The following PTPN2 variants were observed in gnomAD, a reference collection of about 807,000 sequenced individuals.
PTPN2 encodes the protein protein tyrosine phosphatase non-receptor type 2, also known as tyrosine-protein phosphatase non-receptor type 2.
In PTPN2, 19 loss-of-function variants were observed where a neutral mutation model predicts 57.3. The ratio of observed to expected loss-of-function variants is 0.33; its 90% CI spans 0.23 to 0.49. The LOEUF (loss-of-function observed/expected upper bound fraction) is 0.49. PTPN2 is among the 20% of genes least tolerant of loss of function. PTPN2 has a pLI of 0.99. For missense variants in PTPN2, 358 were observed against 501.1 expected (o/e 0.71, Z 2.73); for synonymous variants, 153 against 164.9 (o/e 0.93, Z 0.55).
At chr18:12,870,590 G>A (rs1279560455) in intron 1 of PTPN2, among the ~76,000 whole-genome samples, 2 of 135,886 alleles carry the variant, frequency 1.5e-5, no homozygotes, top group Admixed American at 1.6e-4. Context: ...CTTACTGCAA[G>A]CTCCACCTCC....
chr18:12,800,640 T>C (rs1311014383), intron 8 of PTPN2, among the ~76,000 whole-genome samples: 1 of 152,178 alleles, frequency 6.6e-6, no homozygotes, highest in Non-Finnish European at 1.5e-5. Context: ...ATTTAATTTT[T>C]ATATTAGGAA....
intron 2 of PTPN2, among the ~76,000 whole-genome samples, chr18:12,845,236 T>G (rs2043173056): frequency 6.6e-6 from 1 of 152,198 alleles, no homozygotes; most frequent in African/African-American, 2.4e-5. Flanking sequence ...TAGGAACAAT[T>G]TGACACTATG....
At chr18:12,865,180 G>A (rs1030483748) in intron 1 of PTPN2, among the ~76,000 whole-genome samples, 5 of 152,130 alleles carry the variant, frequency 3.3e-5, no homozygotes, top group African/African-American at 9.7e-5. Context: ...GGCGCTGTGA[G>A]TCATGCCTGC....
chr18:12,813,445 A>C (rs1031784336), intron 7 of PTPN2, among the ~76,000 whole-genome samples: 2 of 152,210 alleles, frequency 1.3e-5, no homozygotes, highest in African/African-American at 4.8e-5. Flanking sequence ...ATTTGGAAAA[A>C]ATCTTTTTAA....
Position 12,884,164 on chromosome 18 carries a change from G to A in PTPN2, c.-23C>T. 2.6e-6 allele frequency: 4 copies of A among 1,565,504 alleles called. No homozygotes were observed. The highest frequency in any genetic ancestry group is 2.4e-5 in the East Asian group (1 of 41,142). On this transcript the variant is annotated 5_prime_UTR_variant, in exon 1 of 9. Transcript: ENST00000309660. ...CATGGCTGCGGGAGCGAGCTGGCGC[G>A]AGCAGAGCCTGCGCCGGCGGAGAGG...
intron 8 of PTPN2, among the ~76,000 whole-genome samples, chr18:12,797,919 G>C (rs1025193379): frequency 6.6e-6 from 1 of 152,064 alleles, no homozygotes; most frequent in African/African-American, 2.4e-5. Flanking sequence ...TAGAGACAGG[G>C]TTTGCCATGT....
At chr18:12,843,227 T>TA (rs1373066762) in intron 2 of PTPN2, among the ~76,000 whole-genome samples, 1 of 152,122 alleles carries the variant, frequency 6.6e-6, no homozygotes, top group Non-Finnish European at 1.5e-5. Flanking sequence ...AGTCCTATGA[T>TA]AAGGGGCACT....
intron 8 of PTPN2, among the ~76,000 whole-genome samples, chr18:12,797,518 C>T (rs2145231015): frequency 6.6e-6 from 1 of 152,158 alleles, no homozygotes; most frequent in South Asian, 2.1e-4. Flanking sequence ...GAGGTTTTTG[C>T]TTTCCAAAAG....
chr18:12,868,594 A>C (rs1568166206), intron 1 of PTPN2, among the ~76,000 whole-genome samples: 1 of 149,530 alleles, frequency 6.7e-6, no homozygotes, highest in Non-Finnish European at 1.5e-5. Flanking sequence ...GTCAATTTTT[A>C]CCTCTATTTA....
At chr18:12,841,444 A>C (rs959401288) in intron 2 of PTPN2, among the ~76,000 whole-genome samples, 26 of 152,248 alleles carry the variant, frequency 1.7e-4, no homozygotes, top group African/African-American at 6.0e-4. Flanking sequence ...ACCAAGAAGA[A>C]GGCAACTTCA....
chr18:12,819,206 G>A, intron 5 of PTPN2: 2 of 1,346,424 alleles, frequency 1.5e-6, no homozygotes, highest in Non-Finnish European at 2.0e-6. Context: ...TTTCTAAAAA[G>A]TACATACTTT....
intron 1 of PTPN2, among the ~76,000 whole-genome samples, chr18:12,874,591 T>G (rs1246383146): frequency 9.3e-4 from 59 of 63,348 alleles, no homozygotes; most frequent in East Asian, 1.7e-3. Context: ...AGGTGGGGGG[T>G]TCAGCCCCCC....
At chr18:12,838,908 T>C (rs1254205035) in intron 2 of PTPN2, among the ~76,000 whole-genome samples, 1 of 150,902 alleles carries the variant, frequency 6.6e-6, no homozygotes, top group Non-Finnish European at 1.5e-5. Context: ...TGAAAAACAA[T>C]TTAAAAAGGA....
At chr18:12,853,061 G>A (rs917417543) in intron 2 of PTPN2, among the ~76,000 whole-genome samples, 3 of 152,076 alleles carry the variant, frequency 2.0e-5, no homozygotes, top group Non-Finnish European at 2.9e-5. Flanking sequence ...TAAATTATTC[G>A]ATACATAGCA....
At chr18:12,870,454 TATATATATAG>T (rs1459141834) in intron 1 of PTPN2, among the ~76,000 whole-genome samples, 26 of 44,322 alleles carry the variant, frequency 5.9e-4, no homozygotes, top group East Asian at 3.0e-3. Context: ...TATATATATA[TATATATATAG>T]AGAGAGAGAG....
chr18:12,831,744 A>G (rs2042677187), intron 3 of PTPN2, among the ~76,000 whole-genome samples: 1 of 152,234 alleles, frequency 6.6e-6, no homozygotes, highest in Admixed American at 6.5e-5. Flanking sequence ...ACAAATGCAC[A>G]GTATGTACGG....
rs970900722 is a variant in PTPN2, at chr18:12,793,267, T to C, written c.*1011A>G. The C allele has an allele frequency of 2.1e-6, 2 of 973,292 alleles. No individual in the cohort carries two copies. Among genetic ancestry groups the C allele is most frequent in the Non-Finnish European group, 2.4e-6 (2 of 818,704 alleles). The allele number at this position is 973,292 out of a possible 1,614,324, so 60.3% of individuals were successfully genotyped here. On this transcript the variant is annotated 3_prime_UTR_variant, in exon 9 of 9. Transcript: ENST00000309660. ...ACAATGTAAGGTTTGCATATAATCA[T>C]ACTATTTATTGAAGTAGAAAGAAAC... is the stretch of plus-strand genomic sequence containing the variant.
intron 1 of PTPN2, among the ~76,000 whole-genome samples, chr18:12,873,108 C>G (rs2044324106): frequency 1.3e-5 from 2 of 151,978 alleles, no homozygotes; most frequent in Admixed American, 6.6e-5. Flanking sequence ...GTAGTCCCTG[C>G]TACTTGGGAG....
chr18:12,879,329 C>T (rs2044592935), intron 1 of PTPN2, among the ~76,000 whole-genome samples: 1 of 152,182 alleles, frequency 6.6e-6, no homozygotes, highest in Non-Finnish European at 1.5e-5. Context: ...AATTCTTCCA[C>T]CTGTGTGCTC....
Sources: allele counts gnomAD v4.1 joint callset (sites outside exome capture counted in the v4.1 genomes callset), GRCh38; gene constraint gnomAD v4.1.1; transcripts MANE v1.5; gene names NCBI Gene and HGNC (gene_info 2026-07-23, HGNC 2026-07-21).